The following DCK variants were observed in gnomAD, a reference collection of about 807,000 sequenced individuals.
DCK encodes deoxyadenosine kinase.
A neutral mutation model predicts 38.3 loss-of-function variants in DCK; 23 were observed. The observed-to-expected ratio is 0.60, with a 90% CI of 0.43 to 0.85. The LOEUF is 0.85. Among genes scored for constraint, DCK ranks in the 40% least tolerant of loss-of-function variants. The pLI is 0.00. For synonymous variants in DCK, 108 were observed against 100.6 expected, an observed-to-expected ratio of 1.07 and a Z score of -0.44; for missense variants, 259 against 304.4, an observed-to-expected ratio of 0.85 and a Z score of 1.11.
intron 2 of DCK, among the ~76,000 whole-genome samples, chr4:71,011,232 CTTTTTTTTTTT>C (rs11322673): frequency 2.2e-5 from 2 of 93,022 alleles, no homozygotes; most frequent in African/African-American, 8.3e-5. Flanking sequence ...TGTGAGGTCT[CTTTTTTTTTTT>C]TTTTTTTTTT....
Position 70,993,712 on chromosome 4 carries a change from C to T in DCK, c.-124C>T. On this transcript the variant is annotated 5_prime_UTR_variant, in exon 1 of 7. Coordinates refer to ENST00000286648, the MANE Select transcript of DCK (RefSeq NM_000788.3). ...CGACACCCGCCGGCGGGCCGGTGAG[C>T]TCACTAGCTGACCCGGCAGGTCAGG... The T allele has an allele frequency of 1.6e-6, 1 of 643,438 alleles. No individual in the cohort carries two copies. The highest frequency in any genetic ancestry group is 2.7e-6 in the Non-Finnish European group (1 of 372,982). 39.9% of individuals were successfully genotyped at this position (643,438 alleles called of 1,614,324 possible). A position where few individuals can be genotyped will look rare whatever the true frequency, so the allele number is the denominator to read the frequency against.
intron 2 of DCK, among the ~76,000 whole-genome samples, chr4:71,014,010 A>T (rs1400613210): frequency 1.3e-5 from 2 of 152,240 alleles, no homozygotes; most frequent in Non-Finnish European, 2.9e-5. Context: ...AGTGTGCTGT[A>T]TTCAGGAGAC....
chr4:71,016,797 G>C (rs1229859140), intron 2 of DCK, among the ~76,000 whole-genome samples: 1 of 152,208 alleles, frequency 6.6e-6, no homozygotes, highest in Non-Finnish European at 1.5e-5. Context: ...ATGGATTAAA[G>C]ACTTAAATGT....
chr4:71,024,462 G>A (rs532304960), intron 4 of DCK, among the ~76,000 whole-genome samples: 5 of 152,128 alleles, frequency 3.3e-5, no homozygotes, highest in Admixed American at 2.6e-4. Context: ...CATTTCTATT[G>A]TTTCTGTTTT....
At chr4:70,994,095 C>A in intron 1 of DCK, 169 bp downstream of exon 1, 1 of 634,188 alleles carries the variant, frequency 1.6e-6, no homozygotes, top group Non-Finnish European at 2.8e-6. Context: ...CTTCCCTTAC[C>A]TCCCGCTCCA....
At chr4:70,997,212 T>G (rs1365301701) in intron 1 of DCK, among the ~76,000 whole-genome samples, 1 of 152,204 alleles carries the variant, frequency 6.6e-6, no homozygotes, top group Non-Finnish European at 1.5e-5. Flanking sequence ...GTGCTATTTC[T>G]GAACATCATG....
intron 2 of DCK, among the ~76,000 whole-genome samples, chr4:71,015,081 A>C (rs533328285): frequency 6.6e-6 from 1 of 152,340 alleles, no homozygotes; most frequent in East Asian, 1.9e-4. Context: ...AAAAATGACA[A>C]AGGGAGTATC....
intron 2 of DCK, among the ~76,000 whole-genome samples, chr4:70,998,918 G>A (rs1482950744): frequency 1.4e-5 from 2 of 147,184 alleles, no homozygotes; most frequent in African/African-American, 2.5e-5. Flanking sequence ...ATGAGACACT[G>A]TCTCAACAAA....
intron 6 of DCK, chr4:71,028,514 T>A: frequency 2.8e-6 from 1 of 357,550 alleles, no homozygotes; most frequent in South Asian, 2.1e-5. Context: ...TGCACCACTG[T>A]ACTCAGCCTG....
intron 2 of DCK, among the ~76,000 whole-genome samples, chr4:71,013,844 G>C (rs1740170419): frequency 6.6e-6 from 1 of 152,194 alleles, no homozygotes; most frequent in South Asian, 2.1e-4. Context: ...GGAGGAAACT[G>C]CATCAACTAA....
intron 2 of DCK, among the ~76,000 whole-genome samples, chr4:71,008,293 A>G (rs1295338546): frequency 6.6e-6 from 1 of 152,126 alleles, no homozygotes; most frequent in Non-Finnish European, 1.5e-5. Flanking sequence ...AGCATTTAGT[A>G]GTGTCTGGCT....
intron 2 of DCK, among the ~76,000 whole-genome samples, chr4:71,017,329 G>A (rs949151524): frequency 5.3e-5 from 8 of 152,182 alleles, no homozygotes; most frequent in African/African-American, 1.9e-4. Flanking sequence ...TCCACTGTTG[G>A]TGGGACTGTA....
chr4:71,009,705 G>A (rs1474294184), intron 2 of DCK, among the ~76,000 whole-genome samples: 2 of 152,254 alleles, frequency 1.3e-5, no homozygotes, highest in African/African-American at 4.8e-5. Flanking sequence ...TTGGAAGGTA[G>A]CTTCAGCTTT....
chr4:71,005,967 C>T (rs1739928817), intron 2 of DCK, among the ~76,000 whole-genome samples: 1 of 150,604 alleles, frequency 6.6e-6, no homozygotes, highest in Non-Finnish European at 1.5e-5. Context: ...CTCCACTAAA[C>T]ATACAAAAAT....
chr4:70,998,115 AT>A lies in DCK; in HGVS notation c.142del (p.Trp48GlyfsTer37), dbSNP rs1739701171. On this transcript the variant is annotated frameshift_variant, in exon 2 of 7. Coordinates refer to ENST00000286648, the MANE Select transcript of DCK (RefSeq NM_000788.3). LOFTEE classifies it high-confidence loss of function. ...AATATCCTTAAACAATTGTGTGAAGATTGGGAAGTGGTTCCTGAACCTGTTG... is the reference window on the plus strand; with the variant it reads ...AATATCCTTAAACAATTGTGTGAAGATGGGAAGTGGTTCCTGAACCTGTTG... ...FVNILKQLCE[D>X]WEVVPEPVAR... is the part of the protein sequence containing the mutation. 8 of 1,609,776 alleles carry A rather than the reference AT, an allele frequency of 5.0e-6. No homozygotes were observed. Among genetic ancestry groups the A allele is most frequent in the Non-Finnish European group, 6.8e-6 (8 of 1,177,080 alleles).
At chr4:71,021,734 A>T (rs1740427682) in intron 2 of DCK, among the ~76,000 whole-genome samples, 1 of 152,146 alleles carries the variant, frequency 6.6e-6, no homozygotes, top group Non-Finnish European at 1.5e-5. Flanking sequence ...TTTCATTTTT[A>T]AAAAGAAGAC....
At chr4:71,001,989 T>G (rs1739814356) in intron 2 of DCK, among the ~76,000 whole-genome samples, 1 of 152,194 alleles carries the variant, frequency 6.6e-6, no homozygotes, top group African/African-American at 2.4e-5. Flanking sequence ...GCTCTGATCT[T>G]AGTTATTTCT....
At chr4:71,001,176 T>C (rs1337044146) in intron 2 of DCK, among the ~76,000 whole-genome samples, 2 of 152,210 alleles carry the variant, frequency 1.3e-5, no homozygotes, top group Non-Finnish European at 2.9e-5. Flanking sequence ...ACCTAGTTTA[T>C]TGAGAGTTTT....
intron 2 of DCK, among the ~76,000 whole-genome samples, chr4:71,021,553 C>G (rs1740425248): frequency 6.6e-6 from 1 of 152,060 alleles, no homozygotes; most frequent in African/African-American, 2.4e-5. Flanking sequence ...ATACAAATGC[C>G]TAAAGGGGCC....
Sources: gnomAD v4.1 joint callset for allele counts (sites outside exome capture counted in the v4.1 genomes callset) on GRCh38, gnomAD v4.1.1 for gene constraint, MANE v1.5 for transcripts, NCBI Gene and HGNC (gene_info 2026-07-23, HGNC 2026-07-21) for gene names.